HHIP: variants seen among roughly 807,000 people sequenced by gnomAD.
HHIP encodes the protein hedgehog interacting protein.
Under a neutral mutation model 74.0 loss-of-function variants are expected in HHIP, and 12 were observed. The observed-to-expected ratio is 0.16, with a 90% CI of 0.10 to 0.26. The LOEUF is 0.26. HHIP is among the 10% of genes least tolerant of loss of function. HHIP has a pLI of 1.00. For synonymous variants in HHIP, 309 were observed against 311.6 expected (o/e 0.99, Z 0.09); for missense variants, 788 against 845.0 (o/e 0.93, Z 0.84).
At chr4:144,736,175 G>A (rs1216904147) in intron 12 of HHIP, among the ~76,000 whole-genome samples, 118 of 130,148 alleles carry the variant, frequency 9.1e-4, no homozygotes, top group African/African-American at 3.0e-3. Flanking sequence ...TCTCTCTGTC[G>A]CCCAGGCTGG....
rs897069137 is a variant in HHIP, at chr4:144,740,296, T to C, written c.*2339T>C. On this transcript the variant is annotated 3_prime_UTR_variant, in exon 13 of 13. Transcript: ENST00000296575. Reference sequence around the variant, plus strand: ...CCATTAGTTCTACTGTTTTAAAATATCTATATTAAGTTGACCAGGCCCAGA... The same window carrying C: ...CCATTAGTTCTACTGTTTTAAAATACCTATATTAAGTTGACCAGGCCCAGA... The C allele has an allele frequency of 2.6e-5, 4 of 152,202 alleles. No homozygotes were observed. The highest frequency in any genetic ancestry group is 1.9e-4 in the East Asian group (1 of 5,200). 9.4% of individuals were successfully genotyped at this position (152,202 alleles called of 1,614,324 possible). A position where few individuals can be genotyped will look rare whatever the true frequency, so the allele number is the denominator to read the frequency against.
chr4:144,717,735 GTCTC>G (rs546804167), intron 10 of HHIP, among the ~76,000 whole-genome samples: 3 of 151,012 alleles, frequency 2.0e-5, no homozygotes, highest in African/African-American at 4.9e-5. Flanking sequence ...GAGCATCAAG[GTCTC>G]TCTCTCTCTC....
At chr4:144,728,131 G>A (rs1176288620) in intron 11 of HHIP, among the ~76,000 whole-genome samples, 1 of 152,172 alleles carries the variant, frequency 6.6e-6, no homozygotes, top group Admixed American at 6.5e-5. Flanking sequence ...TTCTGACAAT[G>A]TTATTAGCAG....
At chr4:144,680,655 T>C (rs1729309057) in intron 4 of HHIP, among the ~76,000 whole-genome samples, 1 of 152,234 alleles carries the variant, frequency 6.6e-6, no homozygotes, top group Admixed American at 6.5e-5. Context: ...CATTCATTGA[T>C]GAATTCATTC....
chr4:144,717,043 A>G (rs78150892), intron 10 of HHIP, among the ~76,000 whole-genome samples: 2 of 152,152 alleles, frequency 1.3e-5, no homozygotes, highest in African/African-American at 2.4e-5. Flanking sequence ...GTCTGTGTAC[A>G]CCTAATACTA....
intron 4 of HHIP, among the ~76,000 whole-genome samples, chr4:144,692,314 G>A (rs1186701299): frequency 2.6e-5 from 4 of 152,070 alleles, no homozygotes; most frequent in South Asian, 2.1e-4. Flanking sequence ...TCTCTCCACC[G>A]TATTTACGTG....
At chr4:144,683,269 C>T (rs1729395456) in intron 4 of HHIP, among the ~76,000 whole-genome samples, 1 of 152,134 alleles carries the variant, frequency 6.6e-6, no homozygotes, top group Non-Finnish European at 1.5e-5. Flanking sequence ...TTAGTCCTCA[C>T]TTGAGATAAA....
At chr4:144,693,075 TA>T (rs1276775246) in intron 4 of HHIP, among the ~76,000 whole-genome samples, 2 of 152,120 alleles carry the variant, frequency 1.3e-5, no homozygotes, top group Non-Finnish European at 2.9e-5. Context: ...TGAGTGAGGA[TA>T]AATGTTCATA....
chr4:144,735,814 A>T (rs1731101201), intron 12 of HHIP, among the ~76,000 whole-genome samples: 1 of 152,166 alleles, frequency 6.6e-6, no homozygotes, highest in African/African-American at 2.4e-5. Flanking sequence ...TATATTGCCT[A>T]ACAAAAAAAC....
At chr4:144,727,686 T>C (rs1730841092) in intron 11 of HHIP, among the ~76,000 whole-genome samples, 1 of 152,210 alleles carries the variant, frequency 6.6e-6, no homozygotes. Flanking sequence ...CCCTGTAAGA[T>C]ATTACATAAC....
chr4:144,658,051 C>T (rs1728599243), intron 2 of HHIP, among the ~76,000 whole-genome samples: 1 of 152,036 alleles, frequency 6.6e-6, no homozygotes, highest in Admixed American at 6.6e-5. Context: ...AAAACTGGCA[C>T]CTGATGGCCT....
chr4:144,711,198 T>G (rs183222923), intron 7 of HHIP, among the ~76,000 whole-genome samples: 1 of 152,334 alleles, frequency 6.6e-6, no homozygotes, highest in East Asian at 1.9e-4. Flanking sequence ...TTAAAGCACA[T>G]GTTTTCCTGT....
intron 11 of HHIP, among the ~76,000 whole-genome samples, chr4:144,727,895 A>C: frequency 6.6e-6 from 1 of 152,204 alleles, no homozygotes; most frequent in East Asian, 1.9e-4. Flanking sequence ...TTCAGTGGAA[A>C]GAACACTGAA....
Position 144,659,748 on chromosome 4 carries a change from A to G in HHIP, c.741A>G (p.Lys247=), listed in dbSNP as rs758496790. The G allele has an allele frequency of 3.7e-6, 6 of 1,611,966 alleles. No individual in the cohort carries two copies. Among genetic ancestry groups the G allele is most frequent in the Non-Finnish European group, 5.1e-6 (6 of 1,179,238 alleles). ...CGCAACGTCTCTTCATTCTGGAAAA[A>G]GAAGGTTATGTGAAGATACTTACCC... is the stretch of plus-strand genomic sequence containing the variant. ...DGSQRLFILE[K]EGYVKILTPE... is the part of the protein sequence containing the mutation. The change falls in exon 4 of 13, where the codon AAA becomes AAG. Residue 247 remains lysine, a synonymous_variant. Transcript: ENST00000296575.
chr4:144,703,456 C>G (rs1330979753), intron 4 of HHIP, among the ~76,000 whole-genome samples: 1 of 152,026 alleles, frequency 6.6e-6, no homozygotes, highest in Non-Finnish European at 1.5e-5. Flanking sequence ...TTCTCTGAGC[C>G]ATAAAACCAC....
At chr4:144,711,897 A>G in intron 7 of HHIP, 53 bp from the exon 8 acceptor site, 1 of 1,567,996 alleles carries the variant, frequency 6.4e-7, no homozygotes, top group Middle Eastern at 1.7e-4. Context: ...CTCCAGTCTG[A>G]GCTTGGAAAA....
chr4:144,724,684 A>ATATATATATATGTATATATATATATT lies in HHIP; in HGVS notation c.1760+5739_1760+5740insGTATATATATATATTTATATATATAT, dbSNP rs1560721272. Among the ~76,000 whole-genome samples, 13 of 94,596 alleles carry ATATATATATATGTATATATATATATT rather than the reference A, an allele frequency of 1.4e-4. No individual in the cohort carries two copies. In the South Asian group the frequency reaches 1.7e-3, roughly 12 times the overall value. 62.1% of individuals were successfully genotyped at this position (94,596 alleles called of 152,430 possible). A position where few individuals can be genotyped will look rare whatever the true frequency, so the allele number is the denominator to read the frequency against. On this transcript the variant is annotated intron_variant, in intron 11 of 12. Transcript: ENST00000296575. ...TGTGTGTGTGTATATATATATATTT[A>ATATATATATATGTATATATATATATT]TATATATATATAAGTATATATATAT... is the stretch of plus-strand genomic sequence containing the variant.
intron 4 of HHIP, among the ~76,000 whole-genome samples, chr4:144,687,751 CTTTTTTTTTTTTTT>C (rs5862719): frequency 1.4e-5 from 1 of 73,442 alleles, no homozygotes; most frequent in Non-Finnish European, 2.4e-5. Flanking sequence ...CTTTTGGCAA[CTTTTTTTTTTTTTT>C]TTTTTTTTTT....
At chr4:144,661,442 A>G (rs894225169) in intron 4 of HHIP, 1 of 152,198 alleles carries the variant, frequency 6.6e-6, no homozygotes, top group African/African-American at 2.4e-5. Flanking sequence ...CTTATATGAC[A>G]TATTTTAAGA....
Sources: gnomAD v4.1 joint callset for allele counts (sites outside exome capture counted in the v4.1 genomes callset) on GRCh38, gnomAD v4.1.1 for gene constraint, MANE v1.5 for transcripts, NCBI Gene and HGNC (gene_info 2026-07-23, HGNC 2026-07-21) for gene names.